Variants in DGKD observed in about 807,000 individuals in gnomAD.
The protein encoded by DGKD is DAG kinase delta.
Under a neutral mutation model 154.4 loss-of-function variants are expected in DGKD, and 68 were observed. The observed-to-expected ratio is 0.44, with a 90% confidence interval of 0.36 to 0.54. DGKD has a LOEUF of 0.54. DGKD is among the 20% of genes least tolerant of loss of function. The pLI is 0.00. For synonymous variants in DGKD, 693 were observed against 638.0 expected (o/e 1.09, Z -1.30); for missense variants, 1,343 against 1,593.6 (o/e 0.84, Z 2.68).
intron 1 of DGKD, chr2:233,386,010 T>G (rs769060442): frequency 4.3e-6 from 2 of 470,536 alleles, no homozygotes; most frequent in South Asian, 3.1e-5. Context: ...TGTGCGTGTG[T>G]GTAAGTATGT....
Position 233,457,746 on chromosome 2 carries a change from AGGTGCCCCGAC to A in DGKD, c.2580+419_2580+429del. Reference sequence around the variant, plus strand: ...GGCAGGCACATGGAGGATGGGAGAGAGGTGCCCCGACTGCAGTGGGCAGCAGGGGCGTGGAG... The same window carrying A: ...GGCAGGCACATGGAGGATGGGAGAGATGCAGTGGGCAGCAGGGGCGTGGAG... On this transcript the variant is annotated intron_variant, in intron 21 of 29. Transcript: ENST00000264057. The surrounding 1 kb of genome is among the most constrained non-coding windows in gnomAD (Gnocchi z 5.5). 1 of 372,992 alleles carries A rather than the reference AGGTGCCCCGAC, an allele frequency of 2.7e-6. No homozygotes were observed. The highest frequency in any genetic ancestry group is 3.4e-5 in the Admixed American group (1 of 29,448). 23.1% of individuals were successfully genotyped at this position (372,992 alleles called of 1,614,324 possible).
At chr2:233,394,225 G>T (rs1400652180) in intron 3 of DGKD, among the ~76,000 whole-genome samples, 1 of 152,084 alleles carries the variant, frequency 6.6e-6, no homozygotes, top group Non-Finnish European at 1.5e-5. Context: ...TGTTAATAAA[G>T]ATTAATAAAG....
chr2:233,434,348 C>A, intron 3 of DGKD, 32 bp from the exon 4 acceptor site: 1 of 1,571,908 alleles, frequency 6.4e-7, no homozygotes, highest in South Asian at 1.1e-5. Context: ...GCCTTTTGTT[C>A]ATGGATCTGT....
intron 3 of DGKD, among the ~76,000 whole-genome samples, chr2:233,404,558 A>G (rs1463042598): frequency 2.0e-5 from 3 of 152,196 alleles, no homozygotes; most frequent in Non-Finnish European, 4.4e-5. Flanking sequence ...TCTGGTTTAC[A>G]GCTTTATTTT....
intron 24 of DGKD, among the ~76,000 whole-genome samples, chr2:233,461,308 G>C (rs2063633233): frequency 6.6e-6 from 1 of 152,258 alleles, no homozygotes; most frequent in African/African-American, 2.4e-5. Flanking sequence ...GCTGTGGACA[G>C]GTGCACCCGT....
At chr2:233,426,375 T>C (rs2062298490) in intron 3 of DGKD, among the ~76,000 whole-genome samples, 1 of 152,196 alleles carries the variant, frequency 6.6e-6, no homozygotes, top group Non-Finnish European at 1.5e-5. Context: ...AGCATTCACA[T>C]GGAGGAGTGT....
At chr2:233,450,163 G>A (rs374616952) in intron 16 of DGKD, 32 bp downstream of exon 16, 16 of 1,572,094 alleles carry the variant, frequency 1.0e-5, no homozygotes, top group African/African-American at 5.4e-5. Flanking sequence ...TCTGCGCACC[G>A]TCGTGTGCTT....
rs2062873107 is a variant in DGKD at position 233,441,173 on chromosome 2, A to G, written c.1086-714A>G. Among the ~76,000 whole-genome samples, 1 of 80,406 alleles carries G rather than the reference A, an allele frequency of 1.2e-5. No homozygotes were observed. Among genetic ancestry groups the G allele is most frequent in the Non-Finnish European group, 3.2e-5 (1 of 30,882 alleles). 52.7% of individuals were successfully genotyped at this position (80,406 alleles called of 152,430 possible). ...AGGAAGAGGATGAGGAGTGAGCAGA[A>G]GCGGCACTGGTCTCCTGAGTGGGGA... On this transcript the variant is annotated intron_variant, in intron 9 of 29. Transcript: ENST00000264057. The surrounding 1 kb of genome is among the most constrained non-coding windows in gnomAD (Gnocchi z 5.6).
chr2:233,457,560 G>A lies in DGKD; in HGVS notation c.2580+232G>A, dbSNP rs2124915395. 3.1e-6 allele frequency: 2 copies of A among 642,542 alleles called. No homozygotes were observed. The highest frequency in any genetic ancestry group is 5.8e-6 in the Non-Finnish European group (2 of 345,784). The allele number at this position is 642,542 out of a possible 1,614,324, so 39.8% of individuals were successfully genotyped here. A position where few individuals can be genotyped will look rare whatever the true frequency, so the allele number is the denominator to read the frequency against. The stretch of plus-strand genomic sequence containing the variant: ...CAGTGAGGGTCTGTGGTCAGCAGAT[G>A]TGGTCAGCGGGTGTGACGTGGAAGG... On this transcript the variant is annotated intron_variant, in intron 21 of 29. Coordinates refer to ENST00000264057, the MANE Select transcript of DGKD (RefSeq NM_152879.3). This position sits in a 1 kb window ranked among gnomAD's most constrained non-coding sequence, Gnocchi z 5.5.
At position 233,452,948 on chromosome 2, in the gene DGKD, C is replaced by T. The variant is rs1316750381; in HGVS notation, c.2264+888C>T. Among the ~76,000 whole-genome samples the T allele has an allele frequency of 6.6e-6, 1 of 152,152 alleles. No individual in the cohort carries two copies. ...CTAGATTCCAGGTGCTGGCCTGGTA[C>T]AGCACTTCAGTGTCCCTGTTCCTGG... On this transcript the variant is annotated intron_variant, in intron 18 of 29. Coordinates refer to ENST00000264057, the MANE Select transcript of DGKD (RefSeq NM_152879.3). The surrounding 1 kb of genome is among the most constrained non-coding windows in gnomAD (Gnocchi z 4.0).
intron 3 of DGKD, among the ~76,000 whole-genome samples, chr2:233,410,107 A>G (rs1008159569): frequency 6.6e-6 from 1 of 152,158 alleles, no homozygotes; most frequent in African/African-American, 2.4e-5. Flanking sequence ...GGTGTGAGCC[A>G]CTGTGCCTGG....
In DGKD at chr2:233,463,390, A is replaced by ACG. The variant is rs1267010716; in HGVS notation, c.3186+656_3186+657insGC. ...CTCACTCCACACATCTCCTCACTCCACACATCTCCTCACTCCACGCATCTC... is the reference window on the plus strand; with the variant it reads ...CTCACTCCACACATCTCCTCACTCCACGCACATCTCCTCACTCCACGCATCTC... On this transcript the variant is annotated intron_variant, in intron 26 of 29. Transcript: ENST00000264057. Among the ~76,000 whole-genome samples the ACG allele has an allele frequency of 2.0e-4, 29 of 142,440 alleles. 2 individuals carry two copies. The highest frequency in any genetic ancestry group is 2.6e-4 in the Non-Finnish European group (17 of 65,480). 93.4% of individuals were successfully genotyped at this position (142,440 alleles called of 152,430 possible). A position where few individuals can be genotyped will look rare whatever the true frequency, so the allele number is the denominator to read the frequency against.
intron 24 of DGKD, among the ~76,000 whole-genome samples, chr2:233,460,921 C>T (rs1426464653): frequency 1.3e-5 from 2 of 152,006 alleles, no homozygotes; most frequent in Admixed American, 6.5e-5. Flanking sequence ...CAAAAAAACC[C>T]TGCCCTGGCT....
At chr2:233,465,197 TA>T (rs934787161) in intron 27 of DGKD, among the ~76,000 whole-genome samples, 1 of 152,196 alleles carries the variant, frequency 6.6e-6, no homozygotes, top group Non-Finnish European at 1.5e-5. Flanking sequence ...CAAAATCCAT[TA>T]AATAATTCAT....
intron 14 of DGKD, 30 bp downstream of exon 14, chr2:233,448,405 C>CA: frequency 6.3e-7 from 1 of 1,597,580 alleles, no homozygotes; most frequent in Non-Finnish European, 8.6e-7. Flanking sequence ...GTGGGAGGGG[C>CA]ATTGAGGCAG....
intron 1 of DGKD, among the ~76,000 whole-genome samples, chr2:233,373,273 C>T (rs931614204): frequency 6.6e-6 from 1 of 152,160 alleles, no homozygotes; most frequent in African/African-American, 2.4e-5. Context: ...GTGTGTAAAA[C>T]ACTGGAAATA....
chr2:233,440,025 G>T lies in DGKD; in HGVS notation c.1085+1646G>T, dbSNP rs532781644. Among the ~76,000 whole-genome samples, 4 of 152,302 alleles carry T rather than the reference G, an allele frequency of 2.6e-5. No individual in the cohort carries two copies. Among genetic ancestry groups the T allele is most frequent in the African/African-American group, 9.6e-5 (4 of 41,554 alleles). On this transcript the variant is annotated intron_variant, in intron 9 of 29. Transcript: ENST00000264057. The surrounding 1 kb of genome is among the most constrained non-coding windows in gnomAD (Gnocchi z 4.9). ...TGTGAAATGGCTGTGGGCAGGGCAGGTTACACAGCTGAACTCGAGAATAAC... is the reference window on the plus strand; with the variant it reads ...TGTGAAATGGCTGTGGGCAGGGCAGTTTACACAGCTGAACTCGAGAATAAC...
intron 26 of DGKD, 150 bp from the exon 27 acceptor site, chr2:233,464,014 T>C: frequency 8.9e-7 from 1 of 1,126,264 alleles, no homozygotes; most frequent in South Asian, 1.6e-5. Context: ...GTTTGGTTCC[T>C]TTTCTGGTGC....
At chr2:233,411,919 A>G (rs1183625128) in intron 3 of DGKD, among the ~76,000 whole-genome samples, 1 of 152,146 alleles carries the variant, frequency 6.6e-6, no homozygotes, top group Non-Finnish European at 1.5e-5. Context: ...TCAAAAGTCA[A>G]TTAACCTTTT....
Sources: gnomAD v4.1 joint callset for allele counts (sites outside exome capture counted in the v4.1 genomes callset) on GRCh38, gnomAD v4.1.1 for gene constraint, Gnocchi (gnomAD v3.1) non-coding constraint, MANE v1.5 for transcripts, NCBI Gene and HGNC (gene_info 2026-07-23, HGNC 2026-07-21) for gene names.